The following WDR7 variants were observed in gnomAD, a reference collection of about 807,000 sequenced individuals.
WDR7 encodes the protein WD repeat-containing protein 7.
In WDR7, 46 loss-of-function variants were observed where a neutral mutation model predicts 169.4. The ratio of observed to expected loss-of-function variants is 0.27; its 90% CI spans 0.21 to 0.35. The LOEUF (loss-of-function observed/expected upper bound fraction) is 0.35, where lower values mean the gene tolerates loss of function less well. WDR7 is among the 10% of genes least tolerant of loss of function. The pLI, the probability that WDR7 is intolerant of heterozygous loss-of-function variation, is 1.00. For synonymous variants in WDR7, 612 were observed against 666.8 expected (o/e 0.92, Z 1.27); for missense variants, 1,534 against 1,859.3 (o/e 0.83, Z 3.22).
At chr18:56,676,890 A>G (rs1405759466) in intron 2 of WDR7, among the ~76,000 whole-genome samples, 1 of 152,118 alleles carries the variant, frequency 6.6e-6, no homozygotes, top group Non-Finnish European at 1.5e-5. Context: ...CTGGAATTAC[A>G]GGCATGAGCC....
At chr18:56,828,656 A>G (rs1460139751) in intron 20 of WDR7, among the ~76,000 whole-genome samples, 1 of 152,198 alleles carries the variant, frequency 6.6e-6, no homozygotes, top group African/African-American at 2.4e-5. Flanking sequence ...AGAAAGATAA[A>G]AGGGGGAATG....
At chr18:56,946,429 TA>T (rs1164904305) in intron 25 of WDR7, among the ~76,000 whole-genome samples, 1 of 152,240 alleles carries the variant, frequency 6.6e-6, no homozygotes, top group Non-Finnish European at 1.5e-5. Context: ...TTTGTTTTCC[TA>T]AGGAACCTAG....
At chr18:56,953,149 G>A (rs1328716675) in intron 25 of WDR7, among the ~76,000 whole-genome samples, 3 of 152,032 alleles carry the variant, frequency 2.0e-5, no homozygotes, top group Non-Finnish European at 4.4e-5. Flanking sequence ...GCAGAGGTAG[G>A]AGTAATATAG....
In WDR7 at chr18:56,962,411, G is replaced by A. The variant is rs765021547; in HGVS notation, c.4065-19G>A. 24 of 1,610,356 alleles carry A rather than the reference G, an allele frequency of 1.5e-5. No homozygotes were observed. The highest frequency in any genetic ancestry group is 2.0e-5 in the Non-Finnish European group (23 of 1,177,636). ...CTGGCTTCTTGTTTTTGTTTTTGTTGTTAAAATGTTCAACTCAGGTTCTAC... is the reference window on the plus strand; with the variant it reads ...CTGGCTTCTTGTTTTTGTTTTTGTTATTAAAATGTTCAACTCAGGTTCTAC... On this transcript the variant is annotated intron_variant, in intron 25 of 27. Coordinates refer to ENST00000254442, the MANE Select transcript of WDR7 (RefSeq NM_015285.3).
At chr18:56,755,301 A>T in intron 14 of WDR7, among the ~76,000 whole-genome samples, 1 of 152,092 alleles carries the variant, frequency 6.6e-6, no homozygotes, top group Non-Finnish European at 1.5e-5. Context: ...CTATATTGTG[A>T]TTTAGTTTTT....
At position 56,756,476 on chromosome 18, in the gene WDR7, A is replaced by C. The variant is rs1389047894; in HGVS notation, c.1990-107A>C. The C allele has an allele frequency of 3.9e-6, 4 of 1,021,624 alleles. No homozygotes were observed. The Admixed American group carries it at 1.2e-4, about 31-fold the overall frequency. 63.3% of individuals were successfully genotyped at this position (1,021,624 alleles called of 1,614,324 possible). A position where few individuals can be genotyped will look rare whatever the true frequency, so the allele number is the denominator to read the frequency against. On this transcript the variant is annotated intron_variant, in intron 14 of 27. Coordinates refer to ENST00000254442, the MANE Select transcript of WDR7 (RefSeq NM_015285.3). ...TTTCATGATATAGGTTCCTAGAAGG[A>C]CAGCTTAATAAGCATGTTAATTCCT...
intron 1 of WDR7, among the ~76,000 whole-genome samples, chr18:56,666,225 C>T (rs1231651509): frequency 4.8e-4 from 6 of 12,492 alleles, no homozygotes; most frequent in Admixed American, 4.7e-3. Flanking sequence ...TTTTTTGAGC[C>T]GCAGTTTCAC....
intron 20 of WDR7, among the ~76,000 whole-genome samples, chr18:56,818,812 CAAAAGG>C (rs10571340): frequency 0.12 from 18,292 of 152,088 alleles, 1,614 homozygotes; most frequent in African/African-American, 0.25. Flanking sequence ...GCCAGTACTA[CAAAAGG>C]GAAAGCTGGC....
At chr18:56,784,296 T>C (rs1487256176) in intron 19 of WDR7, among the ~76,000 whole-genome samples, 1 of 152,236 alleles carries the variant, frequency 6.6e-6, no homozygotes, top group Non-Finnish European at 1.5e-5. Flanking sequence ...GGTGTATAAA[T>C]GGTTTTTGGT....
At chr18:56,953,295 T>A (rs79914260) in intron 25 of WDR7, among the ~76,000 whole-genome samples, 6,395 of 152,314 alleles carry the variant, frequency 0.042, 448 homozygotes, top group African/African-American at 0.14. Flanking sequence ...ATATTTAATG[T>A]TGATATTTAT....
At chr18:56,767,853 A>G (rs1300762195) in intron 16 of WDR7, among the ~76,000 whole-genome samples, 1 of 152,178 alleles carries the variant, frequency 6.6e-6, no homozygotes, top group Non-Finnish European at 1.5e-5. Context: ...TTTTAACTCT[A>G]GATCCCGTGC....
intron 19 of WDR7, among the ~76,000 whole-genome samples, chr18:56,812,832 C>T (rs995500049): frequency 5.9e-5 from 9 of 152,026 alleles, no homozygotes; most frequent in African/African-American, 1.4e-4. Flanking sequence ...CATTGAGTGC[C>T]GATTTTTCCC....
intron 20 of WDR7, among the ~76,000 whole-genome samples, chr18:56,879,676 CAT>C (rs2046077065): frequency 6.6e-6 from 1 of 152,066 alleles, no homozygotes; most frequent in Non-Finnish European, 1.5e-5. Flanking sequence ...GAATTACAAA[CAT>C]ATACACCTAT....
At chr18:56,757,884 G>A (rs529636796) in intron 15 of WDR7, among the ~76,000 whole-genome samples, 16 of 151,872 alleles carry the variant, frequency 1.1e-4, no homozygotes, top group African/African-American at 2.4e-4. Context: ...TGGGAGGGTC[G>A]CTTGAGCCTG....
chr18:57,000,350 G>C (rs1470084111), intron 26 of WDR7, among the ~76,000 whole-genome samples: 1 of 151,974 alleles, frequency 6.6e-6, no homozygotes, highest in Non-Finnish European at 1.5e-5. Context: ...TTAATTTCCT[G>C]TTTTTCTTAA....
chr18:56,902,385 G>A (rs1428045974), intron 21 of WDR7, among the ~76,000 whole-genome samples: 4 of 152,138 alleles, frequency 2.6e-5, no homozygotes, highest in African/African-American at 9.7e-5. Flanking sequence ...ATAGGGACAT[G>A]TATATATAAT....
chr18:56,876,361 T>A (rs1174721377), intron 20 of WDR7, among the ~76,000 whole-genome samples: 1 of 152,152 alleles, frequency 6.6e-6, no homozygotes, highest in Non-Finnish European at 1.5e-5. Flanking sequence ...GGGAGTTCAC[T>A]TTTTTAATCC....
chr18:56,799,554 G>T (rs2044639070), intron 19 of WDR7, among the ~76,000 whole-genome samples: 1 of 152,078 alleles, frequency 6.6e-6, no homozygotes. Flanking sequence ...TTACAGTACA[G>T]TAGTACTGTT....
intron 12 of WDR7, among the ~76,000 whole-genome samples, chr18:56,697,901 AG>A (rs562849460): frequency 2.5e-3 from 385 of 152,332 alleles, no homozygotes; most frequent in African/African-American, 8.7e-3. Context: ...TGTGATTAAA[AG>A]TTTGGAATGG....
Sources: allele counts gnomAD v4.1 joint callset (sites outside exome capture counted in the v4.1 genomes callset), GRCh38; gene constraint gnomAD v4.1.1; transcripts MANE v1.5; gene names NCBI Gene and HGNC (gene_info 2026-07-23, HGNC 2026-07-21).